PFKP: variants seen among roughly 807,000 people sequenced by gnomAD.
The protein encoded by PFKP is ATP-dependent 6-phosphofructokinase, platelet type.
In PFKP, 101 loss-of-function variants were observed where a neutral mutation model predicts 94.3. The ratio of observed to expected loss-of-function variants is 1.07; its 90% CI spans 0.91 to 1.26. PFKP has a LOEUF of 1.26. Ranked by LOEUF, PFKP falls within the 50% of genes most tolerant of loss-of-function variation. The pLI is 0.00. For synonymous variants in PFKP, 573 were observed against 432.6 expected (o/e 1.32, Z -4.03); for missense variants, 1,145 against 1,103.3 (o/e 1.04, Z -0.53).
At chr10:3,109,590 A>G in intron 10 of PFKP, 110 bp downstream of exon 10, 1 of 1,344,052 alleles carries the variant, frequency 7.4e-7, no homozygotes, top group Non-Finnish European at 1.0e-6. Context: ...GATGCATTAC[A>G]CGGCCTTTCT....
Position 3,088,311 on chromosome 10 carries a change from C to G in PFKP, c.186+5850C>G, listed in dbSNP as rs185963521. 5.3e-5 allele frequency among the ~76,000 whole-genome samples: 8 copies of G among 152,228 alleles called. No individual in the cohort carries two copies. In the East Asian group the frequency reaches 1.5e-3, roughly 29 times the overall value. On this transcript the variant is annotated intron_variant, in intron 2 of 21. Coordinates refer to ENST00000381125, the MANE Select transcript of PFKP (RefSeq NM_002627.5). ...GTTTCCAGCTTCATCCATGTCCCTA[C>G]AAAGGACATGAACTCATCCTTTTTT... is the stretch of plus-strand genomic sequence containing the variant.
At chr10:3,115,721 C>CT (rs1836775485) in intron 13 of PFKP, among the ~76,000 whole-genome samples, 2 of 152,200 alleles carry the variant, frequency 1.3e-5, no homozygotes, top group Admixed American at 1.3e-4. Flanking sequence ...ATGCAGAACT[C>CT]ACAGAGCTTC....
At chr10:3,070,490 G>T (rs908656061) in intron 1 of PFKP, among the ~76,000 whole-genome samples, 2 of 152,166 alleles carry the variant, frequency 1.3e-5, no homozygotes, top group African/African-American at 4.8e-5. Flanking sequence ...TGTCAGATGT[G>T]AAATTATGGT....
intron 1 of PFKP, among the ~76,000 whole-genome samples, chr10:3,069,663 G>A (rs973533758): frequency 6.6e-6 from 1 of 152,066 alleles, no homozygotes; most frequent in African/African-American, 2.4e-5. Context: ...CAGGAGGCTC[G>A]CTTGAGCCGA....
chr10:3,104,899 C>T (rs1835384403), intron 5 of PFKP: 8 of 625,802 alleles, frequency 1.3e-5, no homozygotes, highest in Non-Finnish European at 2.0e-5. Context: ...GCTCAAGTCC[C>T]CTTCCTCGCA....
At chr10:3,097,197 G>A (rs533983029) in intron 2 of PFKP, among the ~76,000 whole-genome samples, 6 of 151,092 alleles carry the variant, frequency 4.0e-5, no homozygotes, top group South Asian at 4.2e-4. Flanking sequence ...CCTACCTATT[G>A]TACTTACAAT....
At chr10:3,135,591 G>T (rs112190268) in intron 20 of PFKP, 145 bp from the exon 21 acceptor site, 2 of 582,306 alleles carry the variant, frequency 3.4e-6, no homozygotes, top group Non-Finnish European at 6.2e-6. Context: ...GCCCCACTGC[G>T]CGGCTGTTCT....
intron 13 of PFKP, among the ~76,000 whole-genome samples, chr10:3,114,351 T>A (rs1165414479): frequency 2.6e-5 from 4 of 152,172 alleles, no homozygotes; most frequent in Non-Finnish European, 5.9e-5. Context: ...GGTTTCATCA[T>A]GTTGGCCAGG....
chr10:3,069,203 A>C, intron 1 of PFKP: 1 of 1,281,514 alleles, frequency 7.8e-7, no homozygotes, highest in Non-Finnish European at 9.9e-7. Flanking sequence ...CCCGCCCTGC[A>C]GCGCCCCCGG....
intron 5 of PFKP, 136 bp downstream of exon 5, chr10:3,104,080 A>G (rs754407112): frequency 1.9e-5 from 13 of 695,982 alleles, no homozygotes; most frequent in Middle Eastern, 2.8e-4. Context: ...TTTAGGAGCT[A>G]TTGCCAGAAC....
At chr10:3,099,670 G>A (rs751139839) in intron 3 of PFKP, among the ~76,000 whole-genome samples, 2 of 152,246 alleles carry the variant, frequency 1.3e-5, no homozygotes, top group Non-Finnish European at 2.9e-5. Flanking sequence ...CATCAGAAGA[G>A]AGGTGGAGGG....
At position 3,109,456 on chromosome 10, in the gene PFKP, G is replaced by A. The variant is rs557641539; in HGVS notation, c.1065G>A (p.Leu355=). The A allele has an allele frequency of 1.9e-6, 3 of 1,606,446 alleles. No homozygotes were observed. The highest frequency in any genetic ancestry group is 2.7e-5 in the African/African-American group (2 of 75,040). Residue 355 remains leucine (L), a synonymous_variant, in exon 10 of 22, where the codon CTG becomes CTA. Coordinates refer to ENST00000381125, the MANE Select transcript of PFKP (RefSeq NM_002627.5). ...VSLNGNHAVR[L]PLMECVQMTQ... ...TGAACGGGAACCACGCCGTGCGCCTGCCGCTGATGGAGTGCGTGCAGATGG... is the reference window on the plus strand; with the variant it reads ...TGAACGGGAACCACGCCGTGCGCCTACCGCTGATGGAGTGCGTGCAGATGG...
chr10:3,069,025 G>A (rs2131362945), intron 1 of PFKP, among the ~76,000 whole-genome samples: 1 of 150,428 alleles, frequency 6.6e-6, no homozygotes, highest in East Asian at 2.0e-4. Flanking sequence ...CGCTGTGGGC[G>A]CCGCCCCGCC....
chr10:3,103,085 C>T (rs1835178980), intron 4 of PFKP, among the ~76,000 whole-genome samples: 1 of 152,254 alleles, frequency 6.6e-6, no homozygotes. Context: ...CATGAGAAAT[C>T]AGTGTGAAGA....
At chr10:3,081,013 C>T (rs1184534515) in intron 1 of PFKP, among the ~76,000 whole-genome samples, 1 of 152,094 alleles carries the variant, frequency 6.6e-6, no homozygotes, top group Non-Finnish European at 1.5e-5. Flanking sequence ...GAGATGGCCA[C>T]TAGTTAATCA....
chr10:3,109,311 C>T, intron 9 of PFKP, 44 bp from the exon 10 acceptor site: 1 of 1,602,932 alleles, frequency 6.2e-7, no homozygotes, highest in South Asian at 1.1e-5. Flanking sequence ...AGGGACAGGG[C>T]AGGACGGGAG....
chr10:3,135,817 T>G lies in PFKP; in HGVS notation c.2204T>G (p.Leu735Arg). The change falls in exon 21 of 22, where the codon CTG becomes CGG. Residue 735 changes from leucine to arginine, a missense_variant. Physicochemically the swap from Leu to Arg is moderately radical, Grantham distance 102. Around this residue, in one of 3 missense-constraint regions of PFKP, gnomAD observed 1,119 missense variants for 1,062.8 expected, o/e 1.05. Transcript: ENST00000381125. ...RNVIFQPVAE[L>R]KKQTDFEHRI... ...GTTATTTTTCAACCTGTGGCAGAGC[T>G]GAAGAAGCAAACGGATTTTGAGTAA... The G allele has an allele frequency of 1.9e-6, 3 of 1,612,358 alleles. No homozygotes were observed.
At chr10:3,070,406 A>C (rs1033674240) in intron 1 of PFKP, 1 of 152,244 alleles carries the variant, frequency 6.6e-6, no homozygotes. Flanking sequence ...TTTCCCTGAC[A>C]TAGAAGACTA....
rs935422168 is a variant in PFKP, at chr10:3,103,896, T to C, written c.572T>C (p.Leu191Pro). ...ATGACCATCGGCACGGACTCCGCCCTGCACAGGATCATCGAGGTCGTCGAC... is the reference window on the plus strand; with the variant it reads ...ATGACCATCGGCACGGACTCCGCCCCGCACAGGATCATCGAGGTCGTCGAC... ...TDMTIGTDSALHRIIEVVDAI... is the reference protein window; with the variant it reads ...TDMTIGTDSAPHRIIEVVDAI... The change falls in exon 5 of 22, where the codon CTG (leucine) becomes CCG (proline). Residue 191 changes from leucine (L) to proline (P), a missense_variant. Physicochemically the swap from Leu to Pro is moderately conservative, Grantham distance 98 (BLOSUM62 -3). This residue lies in a region of PFKP where 1,119 missense variants were observed against 1,062.8 expected (regional missense o/e 1.05). Transcript: ENST00000381125. 1.3e-5 allele frequency: 21 copies of C among 1,613,826 alleles called. No homozygotes were observed. The highest frequency in any genetic ancestry group is 1.6e-5 in the Non-Finnish European group (19 of 1,180,038).
Sources: allele counts gnomAD v4.1 joint callset (sites outside exome capture counted in the v4.1 genomes callset), GRCh38; gene constraint gnomAD v4.1.1; regional missense constraint gnomAD v4.1.1; transcripts MANE v1.5; gene names NCBI Gene and HGNC (gene_info 2026-07-23, HGNC 2026-07-21).